The following SGCG variants were observed in gnomAD, a reference collection of about 807,000 sequenced individuals.
SGCG encodes the protein gamma-sarcoglycan.
A neutral mutation model predicts 29.3 loss-of-function variants in SGCG; 26 were observed. That is an observed-to-expected ratio of 0.89 (90% CI 0.65 to 1.23). SGCG has a LOEUF of 1.23. Ranked by LOEUF, SGCG falls within the 50% of genes most tolerant of loss-of-function variation. The pLI is 0.00. For missense variants in SGCG, 353 were observed against 356.0 expected (o/e 0.99, Z 0.07); for synonymous variants, 145 against 129.7 (o/e 1.12, Z -0.80).
At chr13:23,262,802 G>T (rs1590596) in intron 4 of SGCG, among the ~76,000 whole-genome samples, 1 of 151,828 alleles carries the variant, frequency 6.6e-6, no homozygotes, top group African/African-American at 2.4e-5. Flanking sequence ...ATAATATCAA[G>T]TATCTTCTCA....
intron 2 of SGCG, among the ~76,000 whole-genome samples, chr13:23,232,598 C>T (rs527864653): frequency 1.9e-4 from 29 of 152,152 alleles, no homozygotes; most frequent in Admixed American, 3.3e-4. Flanking sequence ...CTGGCTAACA[C>T]GGTGAAACCC....
intron 4 of SGCG, among the ~76,000 whole-genome samples, chr13:23,278,992 C>T (rs1187636000): frequency 6.6e-6 from 1 of 152,116 alleles, no homozygotes; most frequent in Non-Finnish European, 1.5e-5. Flanking sequence ...TCACAAATCT[C>T]ACATTTCAGA....
At chr13:23,198,687 A>G (rs1197626655) in intron 1 of SGCG, among the ~76,000 whole-genome samples, 1 of 151,954 alleles carries the variant, frequency 6.6e-6, no homozygotes, top group African/African-American at 2.4e-5. Context: ...TCTATTAAAA[A>G]TATAAAAAAT....
intron 1 of SGCG, among the ~76,000 whole-genome samples, chr13:23,200,902 G>T (rs776960829): frequency 2.0e-5 from 3 of 152,176 alleles, no homozygotes; most frequent in Non-Finnish European, 1.5e-5. Flanking sequence ...TCCTGGAGCA[G>T]GAGGAGTCAG....
chr13:23,268,947 G>A (rs1163827445), intron 4 of SGCG: 3 of 151,516 alleles, frequency 2.0e-5, no homozygotes, highest in African/African-American at 4.8e-5. Context: ...CGCTGCAGTG[G>A]CTGGAAAGAC....
intron 3 of SGCG, chr13:23,247,141 T>A (rs1879743465): frequency 6.4e-6 from 1 of 157,286 alleles, no homozygotes; most frequent in African/African-American, 2.4e-5. Flanking sequence ...TCCCACACCT[T>A]GGCCATCTTG....
intron 3 of SGCG, among the ~76,000 whole-genome samples, chr13:23,242,927 T>A (rs145373933): frequency 6.6e-6 from 1 of 152,306 alleles, no homozygotes; most frequent in East Asian, 1.9e-4. Context: ...TCAGTTTTCT[T>A]ACCTAGAAAA....
At chr13:23,189,419 C>T (rs974973716) in intron 1 of SGCG, among the ~76,000 whole-genome samples, 2 of 152,186 alleles carry the variant, frequency 1.3e-5, no homozygotes, top group African/African-American at 4.8e-5. Flanking sequence ...TCAGGGAATC[C>T]ACCTGCCTTG....
chr13:23,310,179 T>TG (rs1882522987), intron 6 of SGCG, among the ~76,000 whole-genome samples: 1 of 144,850 alleles, frequency 6.9e-6, no homozygotes, highest in South Asian at 2.3e-4. Context: ...CTCCGCCTCC[T>TG]GGGTTCACGC....
chr13:23,162,810 A>T, the SGCG span, among the ~76,000 whole-genome samples: 1 of 152,162 alleles, frequency 6.6e-6, no homozygotes, highest in South Asian at 2.1e-4. Flanking sequence ...AGCCTGGGCG[A>T]TAGAGTAAGA....
chr13:23,256,941 G>C (rs1411379638), intron 4 of SGCG, among the ~76,000 whole-genome samples: 1 of 152,110 alleles, frequency 6.6e-6, no homozygotes, highest in Non-Finnish European at 1.5e-5. Context: ...CTAGATCCCT[G>C]AGGAATCGCC....
Position 23,205,089 on chromosome 13 carries a change from T to TATAA in SGCG, c.195+1204_195+1207dup, listed in dbSNP as rs563350395. On this transcript the variant is annotated intron_variant, in intron 2 of 7. Coordinates refer to ENST00000218867, the MANE Select transcript of SGCG (RefSeq NM_000231.3). ...ATATAAGCTGTTAAATTACATATAT[T>TATAA]ATAAATACATGAACAATTATATAAA... Among the ~76,000 whole-genome samples, 503 of 152,074 alleles carry TATAA rather than the reference T, an allele frequency of 3.3e-3. 2 individuals carry two copies. The highest frequency in any genetic ancestry group is 0.011 in the African/African-American group (474 of 41,438).
intron 6 of SGCG, among the ~76,000 whole-genome samples, chr13:23,307,166 A>G (rs1324522699): frequency 1.3e-5 from 2 of 152,230 alleles, no homozygotes; most frequent in African/African-American, 4.8e-5. Context: ...TTAAGGACAA[A>G]CTGAACTTTT....
intron 3 of SGCG, among the ~76,000 whole-genome samples, chr13:23,249,306 G>T (rs1474645216): frequency 1.3e-5 from 2 of 152,120 alleles, no homozygotes; most frequent in Admixed American, 1.3e-4. Flanking sequence ...TTAGTCTGGA[G>T]TCACAGAGCC....
chr13:23,167,540 TC>T, the SGCG span, among the ~76,000 whole-genome samples: 1 of 152,188 alleles, frequency 6.6e-6, no homozygotes. Flanking sequence ...GGTTCTTTTT[TC>T]TCCACGTCCT....
intron 3 of SGCG, among the ~76,000 whole-genome samples, chr13:23,242,003 G>A (rs755405546): frequency 6.6e-6 from 1 of 152,104 alleles, no homozygotes; most frequent in African/African-American, 2.4e-5. Context: ...TCTTTTAGAA[G>A]ATCAATAAAA....
intron 1 of SGCG, among the ~76,000 whole-genome samples, chr13:23,190,690 C>T (rs761599607): frequency 6.6e-6 from 1 of 152,138 alleles, no homozygotes; most frequent in Admixed American, 6.5e-5. Flanking sequence ...ACATTAAATT[C>T]TTGTAATTGA....
intron 7 of SGCG, among the ~76,000 whole-genome samples, chr13:23,321,566 C>T (rs562259214): frequency 7.9e-5 from 12 of 152,266 alleles, no homozygotes; most frequent in African/African-American, 2.4e-4. Context: ...TGGATCTCAC[C>T]GTGGAGATGG....
chr13:23,322,747 C>T (rs1332657112), intron 7 of SGCG, among the ~76,000 whole-genome samples: 1 of 86,246 alleles, frequency 1.2e-5, no homozygotes, highest in Non-Finnish European at 2.5e-5. Context: ...CGGCGATGCA[C>T]AGACCGCCCC....
Sources: gnomAD v4.1 joint callset for allele counts (sites outside exome capture counted in the v4.1 genomes callset) on GRCh38, gnomAD v4.1.1 for gene constraint, MANE v1.5 for transcripts, NCBI Gene and HGNC (gene_info 2026-07-23, HGNC 2026-07-21) for gene names.